LRFN5: variants seen among roughly 807,000 people sequenced by gnomAD.
LRFN5 encodes leucine rich repeat and fibronectin type III domain containing 5, also known as leucine-rich repeat and fibronectin type-III domain-containing protein 5.
Under a neutral mutation model 45.6 loss-of-function variants are expected in LRFN5, and 24 were observed. The observed-to-expected ratio is 0.53, with a 90% CI of 0.38 to 0.74. The LOEUF (loss-of-function observed/expected upper bound fraction) is 0.74, where lower values mean the gene tolerates loss of function less well. Among genes scored for constraint, LRFN5 ranks in the 30% least tolerant of loss-of-function variants. The probability of loss-of-function intolerance (pLI) is 0.00; values close to 1 mark genes in which losing one functional copy is unlikely to be tolerated. For missense variants in LRFN5, 776 were observed against 861.5 expected (o/e 0.90, Z 1.24); for synonymous variants, 340 against 313.8 (o/e 1.08, Z -0.88).
chr14:41,791,984 A>G (rs1178693341), intron 2 of LRFN5, among the ~76,000 whole-genome samples: 1 of 152,116 alleles, frequency 6.6e-6, no homozygotes, highest in African/African-American at 2.4e-5. Context: ...AAACATGATT[A>G]TCAGGGGAAT....
chr14:41,652,406 G>T (rs750902703), intron 1 of LRFN5, among the ~76,000 whole-genome samples: 12 of 152,078 alleles, frequency 7.9e-5, no homozygotes, highest in Non-Finnish European at 1.8e-4. Context: ...TGGGCTAGGC[G>T]CTGTTCTCAT....
chr14:41,740,882 G>T (rs975028042), intron 1 of LRFN5, among the ~76,000 whole-genome samples: 1 of 151,922 alleles, frequency 6.6e-6, no homozygotes, highest in African/African-American at 2.4e-5. Flanking sequence ...TAAAGTTGTA[G>T]TTTATGAAAA....
intron 1 of LRFN5, among the ~76,000 whole-genome samples, chr14:41,704,430 C>CTGTGTG (rs1265063122): frequency 5.7e-4 from 23 of 40,138 alleles, no homozygotes; most frequent in East Asian, 7.5e-3. Flanking sequence ...CTCTCTCTCT[C>CTGTGTG]TCTCTCTCTC....
At chr14:41,668,484 C>T (rs1881013029) in intron 1 of LRFN5, among the ~76,000 whole-genome samples, 1 of 151,972 alleles carries the variant, frequency 6.6e-6, no homozygotes, top group Non-Finnish European at 1.5e-5. Flanking sequence ...TTGTATCACC[C>T]CTCCTATCCC....
In LRFN5 at chr14:41,816,523, A is replaced by C. The variant is rs376227995; in HGVS notation, c.-21+49494A>C. 1.2e-4 allele frequency among the ~76,000 whole-genome samples: 18 copies of C among 151,990 alleles called. No homozygotes were observed. The East Asian group carries it at 2.1e-3, about 18-fold the overall frequency. ...CTGAGGGAGTCCTTATTTCTGCTTCATTTTTGAAGGATAATTTCATAGAGT... is the reference window on the plus strand; with the variant it reads ...CTGAGGGAGTCCTTATTTCTGCTTCCTTTTTGAAGGATAATTTCATAGAGT... On this transcript the variant is annotated intron_variant, in intron 2 of 5. Coordinates refer to ENST00000298119, the MANE Select transcript of LRFN5 (RefSeq NM_152447.5).
At chr14:41,676,316 T>A (rs1319372903) in intron 1 of LRFN5, among the ~76,000 whole-genome samples, 1 of 152,160 alleles carries the variant, frequency 6.6e-6, no homozygotes, top group Non-Finnish European at 1.5e-5. Context: ...TCAAGAGTAT[T>A]ACCTTGAGAA....
chr14:41,740,025 A>G (rs575947381), intron 1 of LRFN5, among the ~76,000 whole-genome samples: 12 of 152,178 alleles, frequency 7.9e-5, no homozygotes, highest in African/African-American at 2.4e-4. Context: ...CAGACTTGTA[A>G]TAAGTAAGGA....
intron 1 of LRFN5, chr14:41,699,909 T>A (rs1054628049): frequency 3.9e-5 from 6 of 151,986 alleles, no homozygotes; most frequent in Admixed American, 3.9e-4. Flanking sequence ...CTAAAACTGG[T>A]CGAGGAAAGT....
chr14:41,716,793 C>T (rs1019541798), intron 1 of LRFN5, among the ~76,000 whole-genome samples: 4 of 152,182 alleles, frequency 2.6e-5, no homozygotes, highest in African/African-American at 9.7e-5. Context: ...TTTTCAGCAG[C>T]ACCCCACTCT....
In LRFN5 at chr14:41,878,508, G is replaced by A. The variant is rs115036137; in HGVS notation, c.-20-8098G>A. Among the ~76,000 whole-genome samples the A allele has an allele frequency of 4.2e-3, 642 of 152,204 alleles. 7 individuals carry two copies. Among genetic ancestry groups the A allele is most frequent in the African/African-American group, 0.015 (619 of 41,560 alleles). On this transcript the variant is annotated intron_variant, in intron 2 of 5. Coordinates refer to ENST00000298119, the MANE Select transcript of LRFN5 (RefSeq NM_152447.5). The stretch of plus-strand genomic sequence containing the variant: ...CTTGAGCATATGTTATGTAATAGCC[G>A]TGACAGAAAGATGGATGTAGTAATG...
chr14:41,679,563 C>G (rs776320220), intron 1 of LRFN5, among the ~76,000 whole-genome samples: 1 of 152,088 alleles, frequency 6.6e-6, no homozygotes, highest in African/African-American at 2.4e-5. Context: ...AAATTCATCA[C>G]CTGCTGACTA....
chr14:41,658,500 T>C (rs1055318017), intron 1 of LRFN5, among the ~76,000 whole-genome samples: 1 of 151,994 alleles, frequency 6.6e-6, no homozygotes, highest in Non-Finnish European at 1.5e-5. Context: ...AATATATTTT[T>C]CAAGTTATTT....
At chr14:41,875,712 G>T (rs906926198) in intron 2 of LRFN5, among the ~76,000 whole-genome samples, 1 of 152,138 alleles carries the variant, frequency 6.6e-6, no homozygotes, top group Non-Finnish European at 1.5e-5. Context: ...GTGTCATTTT[G>T]GTTGCCTTCC....
At chr14:41,676,028 G>C (rs977348207) in intron 1 of LRFN5, among the ~76,000 whole-genome samples, 1 of 152,126 alleles carries the variant, frequency 6.6e-6, no homozygotes, top group African/African-American at 2.4e-5. Flanking sequence ...AACCAAGAAG[G>C]GAAAGCTCCC....
At chr14:41,642,157 A>G (rs1016576859) in intron 1 of LRFN5, among the ~76,000 whole-genome samples, 2 of 152,204 alleles carry the variant, frequency 1.3e-5, no homozygotes, top group Non-Finnish European at 2.9e-5. Context: ...TCAATATAAG[A>G]GCTAACAGAT....
intron 1 of LRFN5, among the ~76,000 whole-genome samples, chr14:41,707,813 T>C (rs1457375021): frequency 6.6e-6 from 1 of 152,074 alleles, no homozygotes; most frequent in East Asian, 1.9e-4. Context: ...ACTACATTGG[T>C]AGAGCTCAAT....
At chr14:41,660,513 C>T (rs2138637120) in intron 1 of LRFN5, among the ~76,000 whole-genome samples, 1 of 152,184 alleles carries the variant, frequency 6.6e-6, no homozygotes, top group South Asian at 2.1e-4. Flanking sequence ...GCTGTGCCAG[C>T]ATTTTCTATG....
chr14:41,646,659 T>G (rs550731505), intron 1 of LRFN5, among the ~76,000 whole-genome samples: 8 of 152,256 alleles, frequency 5.3e-5, no homozygotes, highest in Non-Finnish European at 1.2e-4. Context: ...TTTTTGATTT[T>G]ATGTTAGTAT....
intron 1 of LRFN5, among the ~76,000 whole-genome samples, chr14:41,757,520 A>G (rs896162606): frequency 3.2e-4 from 49 of 152,160 alleles, no homozygotes; most frequent in Non-Finnish European, 4.4e-5. Context: ...TGTGCTAGCA[A>G]TGAGTGAGGC....
Sources: gnomAD v4.1 joint callset for allele counts (sites outside exome capture counted in the v4.1 genomes callset) on GRCh38, gnomAD v4.1.1 for gene constraint, MANE v1.5 for transcripts, NCBI Gene and HGNC (gene_info 2026-07-23, HGNC 2026-07-21) for gene names.